Variants in SYT1 observed in about 807,000 individuals in gnomAD.
SYT1 encodes the protein synaptotagmin-1.
In SYT1, 8 loss-of-function variants were observed where a neutral mutation model predicts 44.8. That is an observed-to-expected ratio of 0.18 (90% CI 0.10 to 0.32). SYT1 has a LOEUF of 0.32. Among genes scored for constraint, SYT1 ranks in the 10% least tolerant of loss-of-function variants. SYT1 has a pLI of 1.00. For synonymous variants in SYT1, 154 were observed against 188.8 expected, an observed-to-expected ratio of 0.82 and a Z score of 1.51; for missense variants, 286 against 509.3, an observed-to-expected ratio of 0.56 and a Z score of 4.22.
intron 3 of SYT1, among the ~76,000 whole-genome samples, chr12:79,063,243 T>G (rs540346089): frequency 6.6e-6 from 1 of 152,320 alleles, no homozygotes; most frequent in African/African-American, 2.4e-5. Context: ...AAATGTCTTC[T>G]TTTCTACCAT....
At chr12:78,916,989 G>A (rs1381260150) in intron 1 of SYT1, among the ~76,000 whole-genome samples, 1 of 151,970 alleles carries the variant, frequency 6.6e-6, no homozygotes, top group Non-Finnish European at 1.5e-5. Flanking sequence ...CTGGAGTGCA[G>A]TGGCATGATG....
In SYT1 at chr12:78,973,551, C is replaced by T. The variant is rs78093910; in HGVS notation, c.-216-4248C>T. 3.0e-4 allele frequency among the ~76,000 whole-genome samples: 46 copies of T among 152,166 alleles called. No homozygotes were observed. In the East Asian group the frequency reaches 7.8e-3, roughly 26 times the overall value. ...AGAATGTCAAAGGGGTATCGCCATTCCACTACATATTGCAGTATTAATCAC... is the reference window on the plus strand; with the variant it reads ...AGAATGTCAAAGGGGTATCGCCATTTCACTACATATTGCAGTATTAATCAC... On this transcript the variant is annotated intron_variant, in intron 1 of 10. Transcript: ENST00000261205.
intron 1 of SYT1, among the ~76,000 whole-genome samples, chr12:78,893,115 C>T (rs2137077014): frequency 6.6e-6 from 1 of 151,870 alleles, no homozygotes; most frequent in Non-Finnish European, 1.5e-5. Flanking sequence ...CATGTACTTA[C>T]TGAGGAGGAG....
chr12:79,128,844 G>C (rs7298034), intron 3 of SYT1, among the ~76,000 whole-genome samples: 17,355 of 152,146 alleles, frequency 0.11, 1,068 homozygotes, highest in African/African-American at 0.13. Context: ...CTTCCTGTCA[G>C]TTCTTCCTAC....
At chr12:78,890,747 C>G (rs1333119760) in intron 1 of SYT1, among the ~76,000 whole-genome samples, 2 of 151,746 alleles carry the variant, frequency 1.3e-5, no homozygotes, top group Non-Finnish European at 2.9e-5. Flanking sequence ...CATCTCCTTA[C>G]ACTGTCTTTC....
intron 2 of SYT1, among the ~76,000 whole-genome samples, chr12:79,009,453 G>A (rs1475764647): frequency 6.6e-6 from 1 of 152,118 alleles, no homozygotes; most frequent in Non-Finnish European, 1.5e-5. Context: ...TTATGGATGA[G>A]CATTGGCAAA....
At chr12:79,115,508 A>G (rs1271123194) in intron 3 of SYT1, among the ~76,000 whole-genome samples, 1 of 152,154 alleles carries the variant, frequency 6.6e-6, no homozygotes, top group African/African-American at 2.4e-5. Context: ...CCTTTCATTT[A>G]TTTGCCACAA....
intron 1 of SYT1, among the ~76,000 whole-genome samples, chr12:78,874,560 T>C (rs1327982175): frequency 7.3e-5 from 11 of 151,664 alleles, no homozygotes; most frequent in African/African-American, 2.2e-4. Flanking sequence ...TGTTACTATA[T>C]GGTAGATTTG....
intron 3 of SYT1, among the ~76,000 whole-genome samples, chr12:79,083,026 G>GA (rs1367257639): frequency 6.0e-5 from 9 of 149,186 alleles, no homozygotes; most frequent in East Asian, 3.9e-4. Context: ...AGACACAAAT[G>GA]AAAAAAAAGG....
chr12:79,288,396 A>C (rs1024194290), intron 5 of SYT1, among the ~76,000 whole-genome samples: 3 of 152,166 alleles, frequency 2.0e-5, no homozygotes, highest in African/African-American at 4.8e-5. Context: ...TGTGAGAGGC[A>C]TTTTAGATAT....
In SYT1 at chr12:78,998,125, C is replaced by G. The variant is rs577507113; in HGVS notation, c.-84+20194C>G. Among the ~76,000 whole-genome samples, 500 of 152,202 alleles carry G rather than the reference C, an allele frequency of 3.3e-3. 2 individuals carry two copies. Among genetic ancestry groups the G allele is most frequent in the Non-Finnish European group, 5.5e-3 (372 of 68,004 alleles). On this transcript the variant is annotated intron_variant, in intron 2 of 10. Transcript: ENST00000261205. ...AAGAAAGAGCAGGATCTGAGAACCC[C>G]CAAAATGACTCTTGCTTTCTTCATA...
intron 2 of SYT1, among the ~76,000 whole-genome samples, chr12:79,043,872 T>A (rs1359224133): frequency 1.3e-5 from 2 of 152,210 alleles, no homozygotes; most frequent in African/African-American, 4.8e-5. Context: ...ATTTTATTTC[T>A]CCTTCGCTTA....
At chr12:79,438,311 G>T (rs1358729517) in intron 9 of SYT1, among the ~76,000 whole-genome samples, 3 of 152,166 alleles carry the variant, frequency 2.0e-5, no homozygotes, top group Admixed American at 6.5e-5. Context: ...TATACTGATG[G>T]AGGCAAGTAG....
Position 79,436,561 on chromosome 12 carries a change from T to G in SYT1, c.929-7512T>G, listed in dbSNP as rs77616308. Among the ~76,000 whole-genome samples, 26 of 152,362 alleles carry G rather than the reference T, an allele frequency of 1.7e-4. No individual in the cohort carries two copies. In the East Asian group the frequency reaches 4.8e-3, roughly 28 times the overall value. ...GCTTTGAACTGCTACTTTCTAGTTC[T>G]CATTGTAAATACAAAAAGCGTTTAG... is the stretch of plus-strand genomic sequence containing the variant. On this transcript the variant is annotated intron_variant, in intron 9 of 10. Coordinates refer to ENST00000261205, the MANE Select transcript of SYT1 (RefSeq NM_005639.3).
chr12:79,096,977 A>AAT (rs1878170037), intron 3 of SYT1, among the ~76,000 whole-genome samples: 3 of 152,050 alleles, frequency 2.0e-5, no homozygotes, highest in Admixed American at 2.0e-4. Flanking sequence ...CAAGAAGAAG[A>AAT]AGTAAATGAT....
intron 2 of SYT1, among the ~76,000 whole-genome samples, chr12:79,010,909 T>C (rs2137570760): frequency 6.6e-6 from 1 of 152,324 alleles, no homozygotes; most frequent in South Asian, 2.1e-4. Flanking sequence ...CATAAGAATG[T>C]TGTCGTTTTC....
At chr12:79,215,953 CAG>C (rs1874772968) in intron 3 of SYT1, among the ~76,000 whole-genome samples, 5 of 81,938 alleles carry the variant, frequency 6.1e-5, no homozygotes, top group Non-Finnish European at 2.2e-5. Flanking sequence ...TTTTTTGAGA[CAG>C]AGTTTCGCTC....
At chr12:78,916,198 A>G (rs938369662) in intron 1 of SYT1, among the ~76,000 whole-genome samples, 1 of 152,060 alleles carries the variant, frequency 6.6e-6, no homozygotes, top group Non-Finnish European at 1.5e-5. Flanking sequence ...CATTAACATT[A>G]TGGTATAGGA....
At chr12:79,256,809 A>G (rs556151350) in intron 4 of SYT1, among the ~76,000 whole-genome samples, 1 of 152,312 alleles carries the variant, frequency 6.6e-6, no homozygotes, top group East Asian at 1.9e-4. Flanking sequence ...TTTGCCTTAC[A>G]CTTGAGTTTT....
Sources: allele counts gnomAD v4.1 joint callset (sites outside exome capture counted in the v4.1 genomes callset), GRCh38; gene constraint gnomAD v4.1.1; transcripts MANE v1.5; gene names NCBI Gene and HGNC (gene_info 2026-07-23, HGNC 2026-07-21).